The following LRFN5 variants were observed in gnomAD, a reference collection of about 807,000 sequenced individuals.
LRFN5 encodes leucine-rich repeat and fibronectin type-III domain-containing protein 5.
In LRFN5, 24 loss-of-function variants were observed where a neutral mutation model predicts 45.6. The observed-to-expected ratio is 0.53, with a 90% CI of 0.38 to 0.74. The LOEUF (loss-of-function observed/expected upper bound fraction) is 0.74, where lower values mean the gene tolerates loss of function less well. Ranked by LOEUF, LRFN5 falls within the 30% of genes least tolerant of loss-of-function variation. The pLI, the probability that LRFN5 is intolerant of heterozygous loss-of-function variation, is 0.00. For missense variants in LRFN5, 776 were observed against 861.5 expected (o/e 0.90, Z 1.24); for synonymous variants, 340 against 313.8 (o/e 1.08, Z -0.88).
intron 2 of LRFN5, among the ~76,000 whole-genome samples, chr14:41,806,536 G>C (rs1048669982): frequency 3.3e-5 from 5 of 152,140 alleles, no homozygotes; most frequent in African/African-American, 4.8e-5. Context: ...CTGTGATTAC[G>C]TGTGATAATA....
intron 2 of LRFN5, among the ~76,000 whole-genome samples, chr14:41,877,538 TG>T (rs1389742368): frequency 3.9e-5 from 6 of 152,014 alleles, no homozygotes; most frequent in African/African-American, 1.5e-4. Context: ...TAAAATTATT[TG>T]TTTTGTGTAA....
At chr14:41,776,406 T>A (rs866437733) in intron 2 of LRFN5, among the ~76,000 whole-genome samples, 2 of 152,146 alleles carry the variant, frequency 1.3e-5, no homozygotes, top group Non-Finnish European at 2.9e-5. Context: ...TTCCTGAGTC[T>A]TATTTGGTGT....
intron 1 of LRFN5, among the ~76,000 whole-genome samples, chr14:41,627,370 AC>A (rs1254578745): frequency 6.6e-6 from 1 of 152,120 alleles, no homozygotes; most frequent in African/African-American, 2.4e-5. Context: ...ACACACATAC[AC>A]AAAAATGAAA....
intron 1 of LRFN5, among the ~76,000 whole-genome samples, chr14:41,756,100 C>G (rs921616702): frequency 2.0e-5 from 3 of 152,186 alleles, no homozygotes; most frequent in East Asian, 3.9e-4. Flanking sequence ...GGCCCCCACT[C>G]TCTTCTGGCT....
In LRFN5 at chr14:41,751,071, C is replaced by T. The variant is rs1227214153; in HGVS notation, c.-196-15783C>T. 2.6e-5 allele frequency among the ~76,000 whole-genome samples: 4 copies of T among 151,808 alleles called. No homozygotes were observed. The East Asian group carries it at 5.8e-4, about 22-fold the overall frequency. ...CCCACTTATGAGTGAGAACATGCTA[C>T]TTTTAAAACCATCAGATCTTGTCAG... On this transcript the variant is annotated intron_variant, in intron 1 of 5. Coordinates refer to ENST00000298119, the MANE Select transcript of LRFN5 (RefSeq NM_152447.5).
At chr14:41,703,594 G>A (rs1295408029) in intron 1 of LRFN5, among the ~76,000 whole-genome samples, 1 of 151,920 alleles carries the variant, frequency 6.6e-6, no homozygotes, top group Non-Finnish European at 1.5e-5. Context: ...CTTTAAAAAG[G>A]CTGCCACACA....
At chr14:41,659,407 T>C (rs1430290394) in intron 1 of LRFN5, among the ~76,000 whole-genome samples, 1 of 152,150 alleles carries the variant, frequency 6.6e-6, no homozygotes, top group Admixed American at 6.5e-5. Context: ...CTGCATAGTA[T>C]TCCATGGTGT....
intron 1 of LRFN5, chr14:41,743,078 C>A (rs1229759251): frequency 1.3e-5 from 2 of 155,694 alleles, no homozygotes; most frequent in African/African-American, 4.8e-5. Flanking sequence ...GTGCTAACCT[C>A]ACTGTCTCAT....
At chr14:41,719,760 T>A (rs1170079726) in intron 1 of LRFN5, among the ~76,000 whole-genome samples, 5 of 151,930 alleles carry the variant, frequency 3.3e-5, no homozygotes, top group Non-Finnish European at 5.9e-5. Flanking sequence ...TATATATATA[T>A]CTGAACTCAC....
At chr14:41,752,518 A>G (rs1310968925) in intron 1 of LRFN5, among the ~76,000 whole-genome samples, 2 of 152,182 alleles carry the variant, frequency 1.3e-5, no homozygotes, top group Non-Finnish European at 2.9e-5. Flanking sequence ...ATGGCCAGTG[A>G]TGATGAGCAT....
At chr14:41,825,945 T>C (rs1463082257) in intron 2 of LRFN5, among the ~76,000 whole-genome samples, 1 of 152,206 alleles carries the variant, frequency 6.6e-6, no homozygotes, top group Admixed American at 6.5e-5. Flanking sequence ...CTTCAAGTTC[T>C]TCAGTGTTCC....
intron 2 of LRFN5, among the ~76,000 whole-genome samples, chr14:41,882,098 G>T (rs1296944732): frequency 1.1e-4 from 16 of 152,068 alleles, no homozygotes; most frequent in South Asian, 8.3e-4. Context: ...TGGTTTTGGA[G>T]CTCTATTTCT....
intron 1 of LRFN5, among the ~76,000 whole-genome samples, chr14:41,701,853 C>T (rs1882852577): frequency 6.6e-6 from 1 of 152,118 alleles, no homozygotes; most frequent in African/African-American, 2.4e-5. Flanking sequence ...GGATCAACAG[C>T]ATTAGCATCA....
chr14:41,739,937 G>T (rs929053342), intron 1 of LRFN5, among the ~76,000 whole-genome samples: 1 of 148,246 alleles, frequency 6.7e-6, no homozygotes, highest in African/African-American at 2.5e-5. Context: ...AATAAAAAAT[G>T]AATAACACAG....
At chr14:41,673,205 TG>T in intron 1 of LRFN5, among the ~76,000 whole-genome samples, 1 of 152,154 alleles carries the variant, frequency 6.6e-6, no homozygotes, top group East Asian at 1.9e-4. Context: ...ATTGTCATCA[TG>T]GCCCGTTCTC....
At chr14:41,760,378 G>A (rs149394807) in intron 1 of LRFN5, among the ~76,000 whole-genome samples, 1 of 152,086 alleles carries the variant, frequency 6.6e-6, no homozygotes, top group Non-Finnish European at 1.5e-5. Flanking sequence ...ATGTGTCACT[G>A]TGCCTTGCTT....
intron 2 of LRFN5, among the ~76,000 whole-genome samples, chr14:41,856,675 A>ATTATTATTATTATTTTTTTTTTTTT: frequency 7.6e-4 from 14 of 18,336 alleles, no homozygotes; most frequent in Admixed American, 3.6e-3. Flanking sequence ...TATTATTATT[A>ATTATTATTATTATTTTTTTTTTTTT]TTTTTTTTTT....
At chr14:41,718,519 ATTG>A (rs1217548831) in intron 1 of LRFN5, among the ~76,000 whole-genome samples, 1 of 152,100 alleles carries the variant, frequency 6.6e-6, no homozygotes, top group Non-Finnish European at 1.5e-5. Context: ...GTACTTACCT[ATTG>A]TTCATGTTTT....
chr14:41,774,000 G>T (rs950591452), intron 2 of LRFN5, among the ~76,000 whole-genome samples: 1 of 152,128 alleles, frequency 6.6e-6, no homozygotes, highest in Non-Finnish European at 1.5e-5. Context: ...TGTTAATGTT[G>T]GTCTTTGTGT....
Sources: gnomAD v4.1 joint callset for allele counts (sites outside exome capture counted in the v4.1 genomes callset) on GRCh38, gnomAD v4.1.1 for gene constraint, MANE v1.5 for transcripts, NCBI Gene and HGNC (gene_info 2026-07-23, HGNC 2026-07-21) for gene names.